MED27: variants seen among roughly 807,000 people sequenced by gnomAD.
MED27 encodes the protein mediator of RNA polymerase II transcription subunit 27.
Under a neutral mutation model 38.2 loss-of-function variants are expected in MED27, and 30 were observed. The ratio of observed to expected loss-of-function variants is 0.79; its 90% CI spans 0.59 to 1.07. The LOEUF is 1.07. Among genes scored for constraint, MED27 ranks in the 50% least tolerant of loss-of-function variants. The pLI is 0.00. For missense variants in MED27, 289 were observed against 397.5 expected (o/e 0.73, Z 2.32); for synonymous variants, 122 against 153.5 (o/e 0.79, Z 1.52).
intron 2 of MED27, among the ~76,000 whole-genome samples, chr9:132,016,837 T>C (rs1832613334): frequency 6.6e-6 from 1 of 152,152 alleles, no homozygotes; most frequent in South Asian, 2.1e-4. Flanking sequence ...TTTTGATCAT[T>C]TGCTCAAACA....
At chr9:131,896,110 A>T (rs1829828740) in intron 4 of MED27, among the ~76,000 whole-genome samples, 1 of 152,206 alleles carries the variant, frequency 6.6e-6, no homozygotes. Flanking sequence ...CATGTTGGCC[A>T]GGCTGATCTC....
chr9:132,034,923 G>A (rs761873987), intron 2 of MED27, among the ~76,000 whole-genome samples: 5 of 152,164 alleles, frequency 3.3e-5, no homozygotes, highest in Admixed American at 6.5e-5. Flanking sequence ...TTTATTCACC[G>A]AGTACCATAA....
At chr9:131,880,717 G>C (rs1839021721) in intron 6 of MED27, among the ~76,000 whole-genome samples, 1 of 152,126 alleles carries the variant, frequency 6.6e-6, no homozygotes, top group Non-Finnish European at 1.5e-5. Context: ...AAACACTTCT[G>C]CTTCAGAGTG....
intron 4 of MED27, among the ~76,000 whole-genome samples, chr9:131,921,529 G>A (rs1830391680): frequency 2.0e-5 from 3 of 152,140 alleles, no homozygotes; most frequent in Admixed American, 2.0e-4. Flanking sequence ...GAAACAACAG[G>A]TGCTGGAGAG....
At chr9:131,887,013 C>A (rs946880891) in intron 5 of MED27, among the ~76,000 whole-genome samples, 2 of 152,212 alleles carry the variant, frequency 1.3e-5, no homozygotes, top group African/African-American at 4.8e-5. Flanking sequence ...GAGCCCACAG[C>A]TGTTTCTTCT....
chr9:131,864,735 A>G (rs1307574702), intron 6 of MED27, among the ~76,000 whole-genome samples: 3 of 152,256 alleles, frequency 2.0e-5, no homozygotes, highest in African/African-American at 7.2e-5. Context: ...ACAAAACGTG[A>G]GGACGCCGGC....
chr9:131,992,459 G>A (rs938084446), intron 3 of MED27, among the ~76,000 whole-genome samples: 4 of 152,142 alleles, frequency 2.6e-5, no homozygotes, highest in African/African-American at 7.2e-5. Context: ...GTGCAGTGGC[G>A]TGATCACAGC....
At chr9:131,938,157 A>G (rs1373684094) in intron 4 of MED27, among the ~76,000 whole-genome samples, 1 of 152,096 alleles carries the variant, frequency 6.6e-6, no homozygotes, top group Non-Finnish European at 1.5e-5. Flanking sequence ...CGCACACACA[A>G]TGCTCCCCGA....
At chr9:131,952,444 T>A (rs1831017339) in intron 3 of MED27, among the ~76,000 whole-genome samples, 1 of 152,158 alleles carries the variant, frequency 6.6e-6, no homozygotes, top group Admixed American at 6.5e-5. Flanking sequence ...CTATGTTTCA[T>A]GTTCACTGTT....
intron 3 of MED27, among the ~76,000 whole-genome samples, chr9:131,951,558 C>T (rs1424754052): frequency 1.3e-5 from 2 of 152,204 alleles, no homozygotes; most frequent in Admixed American, 1.3e-4. Flanking sequence ...TCACAGTGCC[C>T]TCATCTTGGA....
chr9:131,898,101 ATTTTTTT>A (rs1039409485), intron 4 of MED27, among the ~76,000 whole-genome samples: 16 of 131,904 alleles, frequency 1.2e-4, no homozygotes, highest in African/African-American at 4.0e-4. Flanking sequence ...TGCAGGTTTG[ATTTTTTT>A]TTTTTTTTTT....
At chr9:131,884,129 C>T (rs898121453) in intron 5 of MED27, 30 bp from the exon 6 acceptor site, 14 of 1,578,920 alleles carry the variant, frequency 8.9e-6, no homozygotes, top group Non-Finnish European at 1.2e-5. Context: ...GGATCATCAG[C>T]ATCGGTCTTA....
At chr9:131,865,865 G>A (rs971068775) in intron 6 of MED27, among the ~76,000 whole-genome samples, 4 of 152,102 alleles carry the variant, frequency 2.6e-5, no homozygotes, top group African/African-American at 7.2e-5. Flanking sequence ...TTGAAGCATC[G>A]GAGGATCTGG....
intron 4 of MED27, among the ~76,000 whole-genome samples, chr9:131,936,168 AAAG>A (rs1830681123): frequency 6.6e-6 from 1 of 151,854 alleles, no homozygotes; most frequent in Admixed American, 6.6e-5. Context: ...AGAAAGAAAG[AAAG>A]AAAAAATCAC....
At chr9:131,957,420 A>G (rs1203650009) in intron 3 of MED27, among the ~76,000 whole-genome samples, 1 of 151,970 alleles carries the variant, frequency 6.6e-6, no homozygotes, top group Non-Finnish European at 1.5e-5. Flanking sequence ...ATGTCCAACT[A>G]ATTTTTTTTA....
intron 2 of MED27, among the ~76,000 whole-genome samples, chr9:132,048,311 A>G (rs1295037173): frequency 6.6e-6 from 1 of 152,238 alleles, no homozygotes; most frequent in Middle Eastern, 3.2e-3. Flanking sequence ...AGGAATCTCA[A>G]TTACTCGTTT....
chr9:132,072,940 G>A (rs2065705566), intron 2 of MED27, among the ~76,000 whole-genome samples: 1 of 152,012 alleles, frequency 6.6e-6, no homozygotes, highest in African/African-American at 2.4e-5. Flanking sequence ...AGAGGCTGGT[G>A]GAATTGACTC....
At position 132,003,109 on chromosome 9, in the gene MED27, C is replaced by A. The variant is rs1432692398; in HGVS notation, c.479+11228G>T. Among the ~76,000 whole-genome samples the A allele has an allele frequency of 2.0e-5, 3 of 151,986 alleles. No homozygotes were observed. The highest frequency in any genetic ancestry group is 7.3e-5 in the African/African-American group (3 of 41,376). ...GAGAGATTTAAAAAAAAAAATGGATCCAGCTTCTATGTGATGAGCTGTACT... is the reference window on the plus strand; with the variant it reads ...GAGAGATTTAAAAAAAAAAATGGATACAGCTTCTATGTGATGAGCTGTACT... On this transcript the variant is annotated intron_variant, in intron 3 of 7. Coordinates refer to ENST00000292035, the MANE Select transcript of MED27 (RefSeq NM_004269.4). This position sits in a 1 kb window ranked among gnomAD's most constrained non-coding sequence, Gnocchi z 4.2.
chr9:132,039,286 A>G (rs1304869206), intron 2 of MED27, among the ~76,000 whole-genome samples: 1 of 152,170 alleles, frequency 6.6e-6, no homozygotes, highest in Admixed American at 6.5e-5. Context: ...GAGAGGCGGG[A>G]GAACTCAGGG....
Sources: allele counts gnomAD v4.1 joint callset (sites outside exome capture counted in the v4.1 genomes callset), GRCh38; gene constraint gnomAD v4.1.1; non-coding constraint Gnocchi (gnomAD v3.1); transcripts MANE v1.5; gene names NCBI Gene and HGNC (gene_info 2026-07-23, HGNC 2026-07-21).